ZNF138: variants seen among roughly 807,000 people sequenced by gnomAD.
ZNF138 encodes the protein zinc finger protein 138 (clone pHZ-32).
Under a neutral mutation model 33.0 loss-of-function variants are expected in ZNF138, and 33 were observed. That is an observed-to-expected ratio of 1.00 (90% CI 0.76 to 1.34). The LOEUF (loss-of-function observed/expected upper bound fraction) is 1.34, where lower values mean the gene tolerates loss of function less well. Among genes scored for constraint, ZNF138 ranks in the 40% most tolerant of loss-of-function variants. The pLI, the probability that ZNF138 is intolerant of heterozygous loss-of-function variation, is 0.00. For synonymous variants in ZNF138, 139 were observed against 120.4 expected (o/e 1.15, Z -1.01); for missense variants, 360 against 370.8 (o/e 0.97, Z 0.24).
At chr7:64,852,959 T>C in the ZNF138 span, 2 of 1,332,198 alleles carry the variant, frequency 1.5e-6, no homozygotes, top group African/African-American at 1.4e-5. Flanking sequence ...CATTTCCCTG[T>C]TGGTCATTTT....
Position 64,832,493 on chromosome 7 carries a change from AC to A in ZNF138, c.*295del. 1 of 1,102,886 alleles carries A rather than the reference AC, an allele frequency of 9.1e-7. No homozygotes were observed. The highest frequency in any genetic ancestry group is 1.2e-6 in the Non-Finnish European group (1 of 809,122). 68.3% of individuals were successfully genotyped at this position (1,102,886 alleles called of 1,614,324 possible). A position where few individuals can be genotyped will look rare whatever the true frequency, so the allele number is the denominator to read the frequency against. On this transcript the variant is annotated 3_prime_UTR_variant, in exon 4 of 4. Coordinates refer to ENST00000307355, the MANE Select transcript of ZNF138 (RefSeq NM_001271639.2). Reference sequence around the variant, plus strand: ...ATAAGAAAATTCATACTGGGGAGAAACCCCACAAATGTGGAGAATGCGGAAA... The same window carrying A: ...ATAAGAAAATTCATACTGGGGAGAAACCCACAAATGTGGAGAATGCGGAAA...
chr7:64,821,534 A>C (rs576914570), intron 3 of ZNF138, among the ~76,000 whole-genome samples: 2 of 151,432 alleles, frequency 1.3e-5, no homozygotes, highest in East Asian at 3.9e-4. Flanking sequence ...CAAGTTATTC[A>C]ACTTTATATT....
chr7:64,831,100 C>T (rs1260689781), intron 3 of ZNF138: 3 of 1,546,330 alleles, frequency 1.9e-6, no homozygotes, highest in Non-Finnish European at 2.6e-6. Context: ...TTTCTCTTGC[C>T]TTTTGAAAAA....
intron 3 of ZNF138, among the ~76,000 whole-genome samples, chr7:64,819,510 G>C (rs1023059066): frequency 6.6e-6 from 1 of 151,854 alleles, no homozygotes; most frequent in Admixed American, 6.6e-5. Flanking sequence ...TAGGATTACA[G>C]GTGGCCGCCA....
the ZNF138 span, among the ~76,000 whole-genome samples, chr7:64,843,196 A>T: frequency 6.6e-6 from 1 of 152,204 alleles, no homozygotes; most frequent in South Asian, 2.1e-4. Flanking sequence ...TGTATATACC[A>T]CATTGTCTTT....
At chr7:64,811,402 A>G (rs1340736301) in intron 1 of ZNF138, among the ~76,000 whole-genome samples, 1 of 152,100 alleles carries the variant, frequency 6.6e-6, no homozygotes, top group East Asian at 1.9e-4. Context: ...CTGGAGTGCA[A>G]TGGTGGGATC....
intron 3 of ZNF138, among the ~76,000 whole-genome samples, chr7:64,830,398 A>G (rs1562924722): frequency 3.3e-5 from 5 of 151,816 alleles, no homozygotes. Flanking sequence ...TCTGATTTTT[A>G]ATAGTTGTCT....
the ZNF138 span, among the ~76,000 whole-genome samples, chr7:64,853,719 A>G: frequency 6.6e-6 from 1 of 151,748 alleles, no homozygotes; most frequent in Non-Finnish European, 1.5e-5. Flanking sequence ...TATACATATC[A>G]TATTAATCGT....
At chr7:64,840,055 C>T in the ZNF138 span, among the ~76,000 whole-genome samples, 7 of 151,810 alleles carry the variant, frequency 4.6e-5, no homozygotes, top group Admixed American at 2.0e-4. Flanking sequence ...TGGGCATGCG[C>T]GTTAGTCGGG....
At chr7:64,814,556 G>A (rs1562904333) in intron 1 of ZNF138, among the ~76,000 whole-genome samples, 1 of 152,144 alleles carries the variant, frequency 6.6e-6, no homozygotes, top group Non-Finnish European at 1.5e-5. Context: ...CACGAGGTCA[G>A]GAGTTCGAGA....
At chr7:64,805,509 CCTCA>C (rs1178285791) in intron 1 of ZNF138, among the ~76,000 whole-genome samples, 1 of 152,138 alleles carries the variant, frequency 6.6e-6, no homozygotes, top group African/African-American at 2.4e-5. Context: ...GCAGTTCAGG[CCTCA>C]CTCCGATGTG....
At chr7:64,805,463 G>A (rs1173364007) in intron 1 of ZNF138, among the ~76,000 whole-genome samples, 1 of 151,838 alleles carries the variant, frequency 6.6e-6, no homozygotes, top group Non-Finnish European at 1.5e-5. Context: ...TACTGTGAAG[G>A]TGCAATTCTA....
intron 1 of ZNF138, among the ~76,000 whole-genome samples, chr7:64,802,028 G>A (rs562438311): frequency 6.6e-6 from 1 of 152,278 alleles, no homozygotes; most frequent in East Asian, 1.9e-4. Context: ...GGGAGGTCCT[G>A]TGATCAGGCC....
chr7:64,814,474 A>G (rs993361382), intron 1 of ZNF138, among the ~76,000 whole-genome samples: 2 of 152,172 alleles, frequency 1.3e-5, no homozygotes, highest in Admixed American at 6.5e-5. Context: ...TCTGTTAAAA[A>G]TTATTTTATG....
intron 3 of ZNF138, among the ~76,000 whole-genome samples, chr7:64,823,064 G>C (rs1484644692): frequency 6.6e-6 from 1 of 151,580 alleles, no homozygotes; most frequent in Non-Finnish European, 1.5e-5. Context: ...ATTTTTAGTA[G>C]AGACGGGGTT....
At chr7:64,836,157 G>A (rs1334481954), downstream of ZNF138, 1 of 152,164 alleles carries the variant, frequency 6.6e-6, no homozygotes, top group Non-Finnish European at 1.5e-5. Context: ...GTCTTGTAGG[G>A]TCTGAGAATA....
chr7:64,833,102 T>G lies in ZNF138; in HGVS notation c.*900T>G, dbSNP rs1790223514. The stretch of plus-strand genomic sequence containing the variant: ...CAAAACCTTGGAAATTCAAAGAATG[T>G]GGTAAAACTTACAATCCTCAAAACT... On this transcript the variant is annotated 3_prime_UTR_variant, in exon 4 of 4. Transcript: ENST00000307355. 3.5e-6 allele frequency: 1 copy of G among 288,368 alleles called. No homozygotes were observed. Among genetic ancestry groups the G allele is most frequent in the Non-Finnish European group, 7.1e-6 (1 of 141,574 alleles). The allele number at this position is 288,368 out of a possible 1,614,324, so 17.9% of individuals were successfully genotyped here.
chr7:64,834,180 G>A (rs754427977), downstream of ZNF138, among the ~76,000 whole-genome samples: 3 of 152,098 alleles, frequency 2.0e-5, no homozygotes, highest in Non-Finnish European at 4.4e-5. Flanking sequence ...CAACATCAGG[G>A]AATTTATATC....
At chr7:64,823,428 T>C (rs1789326048) in intron 3 of ZNF138, among the ~76,000 whole-genome samples, 2 of 151,766 alleles carry the variant, frequency 1.3e-5, no homozygotes. Flanking sequence ...CTCAGCCTCC[T>C]GGGCTCAAGT....
Sources: allele counts gnomAD v4.1 joint callset (sites outside exome capture counted in the v4.1 genomes callset), GRCh38; gene constraint gnomAD v4.1.1; transcripts MANE v1.5; gene names NCBI Gene and HGNC (gene_info 2026-07-23, HGNC 2026-07-21).